The following OLAH variants were observed in gnomAD, a reference collection of about 807,000 sequenced individuals.
OLAH encodes S-acyl fatty acid synthase thioesterase, medium chain.
A neutral mutation model predicts 27.8 loss-of-function variants in OLAH; 33 were observed. The observed-to-expected ratio is 1.19, with a 90% CI of 0.90 to 1.59. The LOEUF (loss-of-function observed/expected upper bound fraction) is 1.59, where lower values mean the gene tolerates loss of function less well. Ranked by LOEUF, OLAH falls within the 40% of genes most tolerant of loss-of-function variation. OLAH has a pLI of 0.00. For missense variants in OLAH, 359 were observed against 310.8 expected (o/e 1.16, Z -1.17); for synonymous variants, 120 against 102.9 (o/e 1.17, Z -1.01).
At chr10:15,069,699 T>C (rs1844543437) in intron 6 of OLAH, among the ~76,000 whole-genome samples, 1 of 152,072 alleles carries the variant, frequency 6.6e-6, no homozygotes. Context: ...AAACCCCATC[T>C]CTACTAAAAA....
intron 7 of OLAH, among the ~76,000 whole-genome samples, chr10:15,072,804 G>A (rs1299825995): frequency 6.6e-6 from 1 of 151,984 alleles, no homozygotes; most frequent in Non-Finnish European, 1.5e-5. Context: ...TCAGGGAGGA[G>A]TTTGGAACGT....
chr10:15,052,318 T>A (rs1038061920), intron 3 of OLAH, among the ~76,000 whole-genome samples: 1 of 152,166 alleles, frequency 6.6e-6, no homozygotes. Flanking sequence ...CTGCTGGCTT[T>A]GACCCATGGG....
At chr10:15,060,244 AC>A (rs1484491829) in intron 3 of OLAH, among the ~76,000 whole-genome samples, 2 of 152,010 alleles carry the variant, frequency 1.3e-5, no homozygotes, top group Non-Finnish European at 2.9e-5. Flanking sequence ...ATCTTGACTC[AC>A]TGCAACCTCT....
At chr10:15,049,099 T>C (rs1308545223) in intron 2 of OLAH, among the ~76,000 whole-genome samples, 2 of 128,464 alleles carry the variant, frequency 1.6e-5, no homozygotes, top group African/African-American at 5.7e-5. Flanking sequence ...TGAGACTATG[T>C]CTTTTTTTTT....
intron 3 of OLAH, among the ~76,000 whole-genome samples, chr10:15,054,316 C>T (rs1421237402): frequency 6.6e-6 from 1 of 152,162 alleles, no homozygotes; most frequent in Non-Finnish European, 1.5e-5. Flanking sequence ...TCTGGGATTA[C>T]AGGCATGAGC....
intron 3 of OLAH, among the ~76,000 whole-genome samples, chr10:15,053,422 G>A (rs1844183929): frequency 6.6e-6 from 1 of 152,162 alleles, no homozygotes; most frequent in African/African-American, 2.4e-5. Flanking sequence ...GTGTTTAACT[G>A]GTCCTTCTTC....
chr10:15,045,637 C>A (rs17354933), intron 1 of OLAH, among the ~76,000 whole-genome samples: 76 of 152,222 alleles, frequency 5.0e-4, no homozygotes, highest in African/African-American at 1.8e-3. Flanking sequence ...TAAAAATGCC[C>A]TCCACTGCAT....
Position 15,047,249 on chromosome 10 carries a change from C to G in OLAH, c.-40C>G, listed in dbSNP as rs371299803. On this transcript the variant is annotated 5_prime_UTR_variant, in exon 2 of 8. Coordinates refer to ENST00000378228, the MANE Select transcript of OLAH (RefSeq NM_001039702.3). Reference sequence around the variant, plus strand: ...ACTGACTTCTGTTGAGCACTCAACACGCCACAGAGACCAGCCATCTTGCAA... The same window carrying G: ...ACTGACTTCTGTTGAGCACTCAACAGGCCACAGAGACCAGCCATCTTGCAA... 6.2e-7 allele frequency: 1 copy of G among 1,610,326 alleles called. No individual in the cohort carries two copies.
At chr10:15,063,073 C>T (rs956281565) in intron 4 of OLAH, among the ~76,000 whole-genome samples, 4 of 152,140 alleles carry the variant, frequency 2.6e-5, no homozygotes, top group African/African-American at 9.7e-5. Flanking sequence ...TAGTATAAAT[C>T]TCCTATCAGT....
At chr10:15,065,089 G>T (rs1844442277) in intron 5 of OLAH, among the ~76,000 whole-genome samples, 1 of 152,120 alleles carries the variant, frequency 6.6e-6, no homozygotes, top group South Asian at 2.1e-4. Context: ...TTTCCTACTG[G>T]TACTATTCCT....
intron 3 of OLAH, among the ~76,000 whole-genome samples, chr10:15,055,701 T>C (rs1844232145): frequency 6.6e-6 from 1 of 152,182 alleles, no homozygotes; most frequent in Non-Finnish European, 1.5e-5. Flanking sequence ...TCTATAAAAA[T>C]GTATACCATA....
At chr10:15,062,240 C>G (rs1844382784) in intron 4 of OLAH, among the ~76,000 whole-genome samples, 4 of 152,100 alleles carry the variant, frequency 2.6e-5, no homozygotes, top group Admixed American at 2.6e-4. Context: ...GGGAAAATTT[C>G]TTAGGCTTCT....
chr10:15,045,607 T>G (rs1031318853), intron 1 of OLAH, among the ~76,000 whole-genome samples: 1 of 152,128 alleles, frequency 6.6e-6, no homozygotes, highest in African/African-American at 2.4e-5. Flanking sequence ...TTCCTCTATT[T>G]AGGCACATCT....
Position 15,065,726 on chromosome 10 carries a change from C to T in OLAH, c.545C>T (p.Ala182Val). 1.9e-6 allele frequency: 3 copies of T among 1,605,890 alleles called. No homozygotes were observed. The highest frequency in any genetic ancestry group is 2.3e-5 in the South Asian group (2 of 88,820). ...AAACAATGTAGTCCCATCATAAGGG[C>T]AGATCTGAACATTGTTAGAAGTTGC... is the stretch of plus-strand genomic sequence containing the variant. ...FVKQCSPIIRADLNIVRSCTS... is the reference protein window; with the variant it reads ...FVKQCSPIIRVDLNIVRSCTS... The change falls in exon 6 of 8, where the codon GCA becomes GTA. Residue 182 changes from alanine (A) to valine (V), a missense_variant. By Grantham distance (64) the Ala-to-Val change is moderately conservative. Transcript: ENST00000378228.
chr10:15,050,092 T>A (rs772898157), intron 3 of OLAH, among the ~76,000 whole-genome samples: 5 of 152,222 alleles, frequency 3.3e-5, no homozygotes, highest in African/African-American at 9.6e-5. Flanking sequence ...TTCCCTTTTC[T>A]GCTTTTCTTT....
intron 1 of OLAH, among the ~76,000 whole-genome samples, chr10:15,032,545 C>A (rs1392361621): frequency 1.3e-5 from 2 of 148,950 alleles, no homozygotes; most frequent in East Asian, 3.9e-4. Context: ...CACTTGAACC[C>A]GGGAGGCAAA....
chr10:15,072,763 G>T (rs1045053434), intron 7 of OLAH, among the ~76,000 whole-genome samples: 1 of 151,844 alleles, frequency 6.6e-6, no homozygotes, highest in Non-Finnish European at 1.5e-5. Context: ...CTGGCCAGAG[G>T]GGGGTTATCT....
At chr10:15,061,680 C>T in intron 3 of OLAH, 44 bp from the exon 4 acceptor site, 2 of 1,485,182 alleles carry the variant, frequency 1.3e-6, no homozygotes, top group Non-Finnish European at 1.8e-6. Flanking sequence ...CACAATATCT[C>T]ATTCACTGTC....
rs12254463 is a variant in OLAH at position 15,062,900 on chromosome 10, G to A, written c.302+1038G>A. On this transcript the variant is annotated intron_variant, in intron 4 of 7. Transcript: ENST00000378228. Reference sequence around the variant, plus strand: ...ATTACAGGCACACACGACCATACCTGGCTAATTTTTATATTTTTAATGGAG... The same window carrying A: ...ATTACAGGCACACACGACCATACCTAGCTAATTTTTATATTTTTAATGGAG... Among the ~76,000 whole-genome samples the A allele has an allele frequency of 6.4e-3, 977 of 151,848 alleles. 14 individuals are homozygous for A. The highest frequency in any genetic ancestry group is 0.022 in the African/African-American group (920 of 41,436).
Sources: gnomAD v4.1 joint callset for allele counts (sites outside exome capture counted in the v4.1 genomes callset) on GRCh38, gnomAD v4.1.1 for gene constraint, MANE v1.5 for transcripts, NCBI Gene and HGNC (gene_info 2026-07-23, HGNC 2026-07-21) for gene names.